GSE1: variants seen among roughly 807,000 people sequenced by gnomAD.
The protein encoded by GSE1 is genetic suppressor element 1.
GSE1 carries 32 observed loss-of-function variants against 112.6 expected under a neutral mutation model. The observed-to-expected ratio is 0.28, with a 90% CI of 0.21 to 0.38. The LOEUF is 0.38. Ranked by LOEUF, GSE1 falls within the 10% of genes least tolerant of loss-of-function variation. The probability of loss-of-function intolerance (pLI) is 1.00; values close to 1 mark genes in which losing one functional copy is unlikely to be tolerated. For missense variants in GSE1, 2,348 were observed against 1,699.2 expected (o/e 1.38, Z -6.71); for synonymous variants, 1,115 against 735.6 (o/e 1.52, Z -8.35).
At chr16:85,284,221 GC>G in intron 1 of GSE1, among the ~76,000 whole-genome samples, 1 of 152,262 alleles carries the variant, frequency 6.6e-6, no homozygotes. Flanking sequence ...TTTAGCTGTC[GC>G]TGTAGGGCGA....
chr16:85,220,914 T>C (rs1225264030), intron 1 of GSE1, among the ~76,000 whole-genome samples: 8 of 142,012 alleles, frequency 5.6e-5, no homozygotes, highest in African/African-American at 2.1e-4. Context: ...TCCAGCTTCC[T>C]CCTACCTTGC....
intron 1 of GSE1, among the ~76,000 whole-genome samples, chr16:85,616,718 G>T (rs796354414): frequency 1.3e-5 from 2 of 152,042 alleles, no homozygotes; most frequent in African/African-American, 2.4e-5. Context: ...CTCAGATCTC[G>T]GTGGCCTCAC....
intron 1 of GSE1, among the ~76,000 whole-genome samples, chr16:85,571,629 G>C (rs1034561231): frequency 3.9e-5 from 6 of 152,220 alleles, no homozygotes; most frequent in Admixed American, 6.5e-5. Flanking sequence ...CGTGTTTGGG[G>C]CCACAGGGAC....
chr16:85,671,418 C>A (rs1307750647), intron 15 of GSE1, among the ~76,000 whole-genome samples: 2 of 119,308 alleles, frequency 1.7e-5, no homozygotes, highest in Non-Finnish European at 3.3e-5. Flanking sequence ...CCAGCCTGGG[C>A]GACAGAGCGA....
At chr16:85,392,087 C>G (rs1238386748) in intron 2 of GSE1, among the ~76,000 whole-genome samples, 4 of 152,178 alleles carry the variant, frequency 2.6e-5, no homozygotes, top group Non-Finnish European at 5.9e-5. Flanking sequence ...TCACCCCCCA[C>G]TCCCTCCCTT....
chr16:85,218,661 G>C (rs891225809), intron 1 of GSE1, among the ~76,000 whole-genome samples: 2 of 152,148 alleles, frequency 1.3e-5, no homozygotes, highest in African/African-American at 4.8e-5. Context: ...AGGCCTGTGG[G>C]AGTCCAGCAA....
rs889084387 is a variant in GSE1, at chr16:85,672,416, C to T, written c.3531C>T (p.Ser1177=). Residue 1177 remains serine, a synonymous_variant, in exon 16 of 16, where the codon AGC becomes AGT. Coordinates refer to ENST00000253458, the MANE Select transcript of GSE1 (RefSeq NM_014615.5). The stretch of plus-strand genomic sequence containing the variant: ...TTCCCTCTCTCCAGGAGTTGAGGAG[C>T]CAGAAACAGAAGATGGTCTCAGAAA... ...QLSHSVAELR[S]QKQKMVSERE... is the part of the protein sequence containing the mutation. 11 of 1,611,328 alleles carry T rather than the reference C, an allele frequency of 6.8e-6. No individual in the cohort carries two copies. Among genetic ancestry groups the T allele is most frequent in the Non-Finnish European group, 9.3e-6 (11 of 1,178,028 alleles).
At chr16:85,429,385 C>G (rs2049066677) in intron 2 of GSE1, among the ~76,000 whole-genome samples, 2 of 152,230 alleles carry the variant, frequency 1.3e-5, no homozygotes. Context: ...AGTTGCGCTG[C>G]TGCCCCGAAA....
chr16:85,519,552 C>T lies in GSE1; in HGVS notation c.2465-114362C>T, dbSNP rs796969150. On this transcript the variant is annotated intron_variant, in intron 2 of 2. Transcript: ENST00000637419. Reference sequence around the variant, plus strand: ...TTCACCACCATCATCACTATTACCACCATCACTATCATCATCACCATCACC... The same window carrying T: ...TTCACCACCATCATCACTATTACCATCATCACTATCATCATCACCATCACC... Among the ~76,000 whole-genome samples the T allele has an allele frequency of 8.7e-5, 3 of 34,620 alleles. 1 individual carries two copies. Among genetic ancestry groups the T allele is most frequent in the Non-Finnish European group, 1.3e-4 (2 of 15,942 alleles). 22.7% of individuals were successfully genotyped at this position (34,620 alleles called of 152,430 possible).
rs776662413 is a variant in GSE1 at position 85,671,049 on chromosome 16, G to A, written c.3470G>A (p.Arg1157Gln). The change falls in exon 15 of 16, where the codon CGG (arginine) becomes CAG (glutamine). Residue 1157 changes from arginine (R) to glutamine (Q), a missense_variant. By Grantham distance (43) the Arg-to-Gln change is conservative (BLOSUM62 1). Coordinates refer to ENST00000253458, the MANE Select transcript of GSE1 (RefSeq NM_014615.5). ...LQTQCRRLEA[R>Q]HYSLSLTAEQ... ...ACACAATGTAGACGACTGGAGGCCC[G>A]GCACTACAGCCTCAGCCTGACGGCA... 4.3e-6 allele frequency: 7 copies of A among 1,612,648 alleles called. No individual in the cohort carries two copies. The highest frequency in any genetic ancestry group is 4.0e-5 in the African/African-American group (3 of 74,856).
intron 2 of GSE1, among the ~76,000 whole-genome samples, chr16:85,396,817 G>A (rs1197016607): frequency 1.3e-5 from 2 of 152,224 alleles, no homozygotes; most frequent in East Asian, 1.9e-4. Context: ...TGGGCTGGGC[G>A]GTTGCCTGTT....
chr16:85,560,110 CT>C (rs1361428723), intron 1 of GSE1, among the ~76,000 whole-genome samples: 1 of 133,986 alleles, frequency 7.5e-6, no homozygotes, highest in African/African-American at 2.8e-5. Context: ...AGTCACAGAG[CT>C]TTTTTTTCTT....
In GSE1 at chr16:85,654,783, C is replaced by T; in HGVS notation, c.600-11C>T. ...ACCTGTCCCCACCTTGCCCACTATC[C>T]CCGCCTGCAGCCTCCAGCGGCCCGT... is the stretch of plus-strand genomic sequence containing the variant. On this transcript the variant is annotated splice_polypyrimidine_tract_variant and intron_variant, in intron 4 of 15. Transcript: ENST00000253458. 7 of 1,598,472 alleles carry T rather than the reference C, an allele frequency of 4.4e-6. No individual in the cohort carries two copies. The highest frequency in any genetic ancestry group is 6.0e-6 in the Non-Finnish European group (7 of 1,169,400).
chr16:85,666,725 T>A lies in GSE1; in HGVS notation c.3130+378T>A. 2.0e-5 allele frequency: 5 copies of A among 244,634 alleles called. No individual in the cohort carries two copies. The South Asian group carries it at 2.4e-4, about 12-fold the overall frequency. The allele number at this position is 244,634 out of a possible 1,614,324, so 15.2% of individuals were successfully genotyped here. A position where few individuals can be genotyped will look rare whatever the true frequency, so the allele number is the denominator to read the frequency against. Reference sequence around the variant, plus strand: ...TACCCGCATTCATTTGAAAGAATCATGTTTTTCAAGACAGAGATGCAGATG... The same window carrying A: ...TACCCGCATTCATTTGAAAGAATCAAGTTTTTCAAGACAGAGATGCAGATG... On this transcript the variant is annotated intron_variant, in intron 13 of 15. Transcript: ENST00000253458.
chr16:85,437,491 G>GC (rs1328973272), intron 2 of GSE1, among the ~76,000 whole-genome samples: 1 of 152,092 alleles, frequency 6.6e-6, no homozygotes, highest in Non-Finnish European at 1.5e-5. Context: ...TAGGGAGGCG[G>GC]CACCCACACC....
At chr16:85,207,913 G>A (rs55769906) in intron 1 of GSE1, 62,918 of 152,054 alleles carry the variant, frequency 0.41, 13,228 homozygotes, top group Middle Eastern at 0.49. Flanking sequence ...CGATGTTGCT[G>A]GGGGGTAGCT....
chr16:85,316,095 G>T (rs1008073491), intron 1 of GSE1, among the ~76,000 whole-genome samples: 1 of 152,236 alleles, frequency 6.6e-6, no homozygotes, highest in Non-Finnish European at 1.5e-5. Flanking sequence ...GTTTCCAAAG[G>T]GCGAAGTGAA....
chr16:85,370,639 CCCTCCTTCTCTCCCT>C (rs2047277819), intron 2 of GSE1, among the ~76,000 whole-genome samples: 2 of 151,568 alleles, frequency 1.3e-5, no homozygotes, highest in Admixed American at 1.3e-4. Flanking sequence ...TTCTCTCCCT[CCCTCCTTCTCTCCCT>C]CCCTCCCATG....
chr16:85,502,132 G>A (rs1233837950), intron 2 of GSE1, among the ~76,000 whole-genome samples: 1 of 152,216 alleles, frequency 6.6e-6, no homozygotes, highest in Non-Finnish European at 1.5e-5. Context: ...CTGAGGGAAG[G>A]CAGCTGGAGG....
Sources: allele counts gnomAD v4.1 joint callset (sites outside exome capture counted in the v4.1 genomes callset), GRCh38; gene constraint gnomAD v4.1.1; transcripts MANE v1.5; gene names NCBI Gene and HGNC (gene_info 2026-07-23, HGNC 2026-07-21).